The following RBPJ variants were observed in gnomAD, a reference collection of about 807,000 sequenced individuals.
RBPJ encodes recombining binding protein suppressor of hairless.
Under a neutral mutation model 67.8 loss-of-function variants are expected in RBPJ, and 9 were observed. That is an observed-to-expected ratio of 0.13 (90% confidence interval 0.08 to 0.23). RBPJ has a LOEUF of 0.23. RBPJ is among the 10% of genes least tolerant of loss of function. The pLI is 1.00. For synonymous variants in RBPJ, 198 were observed against 203.3 expected (o/e 0.97, Z 0.22); for missense variants, 305 against 595.6 (o/e 0.51, Z 5.08).
At position 26,294,108 on chromosome 4, in the gene RBPJ, GTTTTTTT is replaced by G. The variant is rs1721770252; in HGVS notation, c.-166-68337_-166-68331del. 4.0e-5 allele frequency among the ~76,000 whole-genome samples: 4 copies of G among 99,532 alleles called. No individual in the cohort carries two copies. The Admixed American group carries it at 4.4e-4, about 11-fold the overall frequency. The allele number at this position is 99,532 out of a possible 152,430, so 65.3% of individuals were successfully genotyped here. On this transcript the variant is annotated intron_variant, in intron 1 of 4. Coordinates refer to the RBPJ transcript ENST00000512351. Reference sequence around the variant, plus strand: ...TGTTTTTGTTTTTGTTTTTGTTTTTGTTTTTTTGAGATGGAGTCTCACTCTGTCGCCC... The same window carrying G: ...TGTTTTTGTTTTTGTTTTTGTTTTTGGAGATGGAGTCTCACTCTGTCGCCC...
At chr4:26,178,184 A>G (rs1488732817) in intron 1 of RBPJ, among the ~76,000 whole-genome samples, 23 of 152,276 alleles carry the variant, frequency 1.5e-4, no homozygotes, top group Non-Finnish European at 3.4e-4. Flanking sequence ...GATCTGACCC[A>G]AAGATATATC....
Position 26,253,333 on chromosome 4 carries a change from A to G in RBPJ, c.-167+89719A>G, listed in dbSNP as rs572502408. On this transcript the variant is annotated intron_variant, in intron 1 of 4. Transcript: ENST00000512351. ...TTTTTTTTTTTTTTTTTTTTTTGAG[A>G]CGGAGTCTCGCTCTGTCGCCCAGGC... is the stretch of plus-strand genomic sequence containing the variant. Among the ~76,000 whole-genome samples, 64 of 113,828 alleles carry G rather than the reference A, an allele frequency of 5.6e-4. 1 individual carries two copies. The South Asian group carries it at 0.017, about 30-fold the overall frequency. The allele number at this position is 113,828 out of a possible 152,430, so 74.7% of individuals were successfully genotyped here. A position where few individuals can be genotyped will look rare whatever the true frequency, so the allele number is the denominator to read the frequency against.
chr4:26,167,074 T>G (rs1050546517), intron 1 of RBPJ, among the ~76,000 whole-genome samples: 31 of 152,200 alleles, frequency 2.0e-4, no homozygotes, highest in African/African-American at 6.7e-4. Flanking sequence ...CATCGATCTA[T>G]AGCTCTGTTT....
intron 1 of RBPJ, among the ~76,000 whole-genome samples, chr4:26,345,803 CCGTACTTTGAG>C (rs1410774920): frequency 6.6e-6 from 1 of 152,156 alleles, no homozygotes; most frequent in Non-Finnish European, 1.5e-5. Context: ...CTACCCCATC[CCGTACTTTGAG>C]GCATTGGTAG....
intron 1 of RBPJ, among the ~76,000 whole-genome samples, chr4:26,339,526 C>T (rs938689701): frequency 2.0e-5 from 3 of 151,894 alleles, no homozygotes; most frequent in African/African-American, 4.8e-5. Context: ...CCCAGTTACT[C>T]GGGATGCTGA....
At chr4:26,340,885 G>A (rs1019121847) in intron 1 of RBPJ, among the ~76,000 whole-genome samples, 2 of 150,322 alleles carry the variant, frequency 1.3e-5, no homozygotes, top group African/African-American at 2.4e-5. Context: ...AAAAAAAAAA[G>A]AAAGAAAGGT....
intron 1 of RBPJ, among the ~76,000 whole-genome samples, chr4:26,223,807 CTG>C (rs1227160875): frequency 1.3e-5 from 2 of 152,220 alleles, no homozygotes; most frequent in Non-Finnish European, 2.9e-5. Flanking sequence ...GGCTGAGAAA[CTG>C]TGATCTTCCA....
the RBPJ span, among the ~76,000 whole-genome samples, chr4:26,127,601 A>G: frequency 1.3e-5 from 2 of 152,232 alleles, no homozygotes; most frequent in Admixed American, 1.3e-4. Flanking sequence ...GTATATCAGC[A>G]TAAAGTGGGT....
intron 1 of RBPJ, among the ~76,000 whole-genome samples, chr4:26,279,124 A>G (rs1721174977): frequency 6.6e-6 from 1 of 152,222 alleles, no homozygotes; most frequent in South Asian, 2.1e-4. Flanking sequence ...GTATGTACTC[A>G]ATAAATGTTA....
intron 1 of RBPJ, among the ~76,000 whole-genome samples, chr4:26,197,721 C>G (rs112157699): frequency 1.5e-3 from 227 of 152,178 alleles, no homozygotes; most frequent in African/African-American, 5.3e-3. Flanking sequence ...GTTCCTCCAG[C>G]CTCCTCTGCT....
rs551148233 is a variant in RBPJ at position 26,340,878 on chromosome 4, A to G, written c.20+19830A>G. ...GTCTCAAAAAAAAACAAAAGAAAAA[A>G]AAAAAAGAAAGAAAGGTAGCATGTG... On this transcript the variant is annotated intron_variant, in intron 1 of 10. Coordinates refer to ENST00000355476, the MANE Select transcript of RBPJ (RefSeq NM_015874.6). 3.0e-4 allele frequency among the ~76,000 whole-genome samples: 45 copies of G among 152,146 alleles called. No homozygotes were observed. The East Asian group carries it at 8.7e-3, about 29-fold the overall frequency.
intron 1 of RBPJ, among the ~76,000 whole-genome samples, chr4:26,363,077 G>A (rs924168909): frequency 1.3e-5 from 2 of 152,160 alleles, no homozygotes; most frequent in Non-Finnish European, 2.9e-5. Flanking sequence ...GGGCCATTTA[G>A]TACAGTTTTT....
At chr4:26,241,660 C>G (rs1445721973) in intron 1 of RBPJ, among the ~76,000 whole-genome samples, 4 of 151,842 alleles carry the variant, frequency 2.6e-5, no homozygotes, top group Non-Finnish European at 5.9e-5. Flanking sequence ...TACAGGCATG[C>G]CCCACCACAC....
chr4:26,242,316 C>T (rs571126789), intron 1 of RBPJ, among the ~76,000 whole-genome samples: 61 of 151,974 alleles, frequency 4.0e-4, no homozygotes, highest in African/African-American at 9.9e-4. Context: ...GGCATGGTGG[C>T]GGGCGCCTGT....
the RBPJ span, among the ~76,000 whole-genome samples, chr4:26,132,640 T>G: frequency 2.0e-5 from 3 of 152,184 alleles, no homozygotes; most frequent in African/African-American, 7.2e-5. Flanking sequence ...AGGAAACCCC[T>G]GGGTCTTCGC....
chr4:26,334,485 T>C (rs1051797912), intron 1 of RBPJ, among the ~76,000 whole-genome samples: 33 of 152,206 alleles, frequency 2.2e-4, no homozygotes, highest in Admixed American at 1.4e-3. Context: ...AAGTTTTCCC[T>C]TTTGTACAAA....
At chr4:26,150,450 A>G in the RBPJ span, among the ~76,000 whole-genome samples, 3 of 152,228 alleles carry the variant, frequency 2.0e-5, no homozygotes, top group African/African-American at 7.2e-5. Flanking sequence ...CACTCTGCAT[A>G]TCTACTTAAC....
intron 1 of RBPJ, among the ~76,000 whole-genome samples, chr4:26,208,887 G>C (rs1331494562): frequency 6.6e-6 from 1 of 152,054 alleles, no homozygotes; most frequent in African/African-American, 2.4e-5. Context: ...CCCTAACCTA[G>C]GGTGGCAGGG....
At chr4:26,417,405 A>G (rs1046916178) in intron 4 of RBPJ, among the ~76,000 whole-genome samples, 21 of 152,148 alleles carry the variant, frequency 1.4e-4, no homozygotes, top group Non-Finnish European at 2.1e-4. Context: ...TCTTTCTTCA[A>G]CTTCCACTAG....
Sources: gnomAD v4.1 joint callset for allele counts (sites outside exome capture counted in the v4.1 genomes callset) on GRCh38, gnomAD v4.1.1 for gene constraint, MANE v1.5 for transcripts, NCBI Gene and HGNC (gene_info 2026-07-23, HGNC 2026-07-21) for gene names.